The following SMOC1 variants were observed in gnomAD, a reference collection of about 807,000 sequenced individuals.
SMOC1 encodes the protein SPARC-related modular calcium-binding protein 1.
In SMOC1, 22 loss-of-function variants were observed where a neutral mutation model predicts 56.3. The observed-to-expected ratio is 0.39, with a 90% CI of 0.28 to 0.56. The LOEUF is 0.56. SMOC1 is among the 20% of genes least tolerant of loss of function. SMOC1 has a pLI of 0.61. For missense variants in SMOC1, 509 were observed against 565.4 expected, an observed-to-expected ratio of 0.90 and a Z score of 1.01; for synonymous variants, 193 against 215.0, an observed-to-expected ratio of 0.90 and a Z score of 0.89.
chr14:69,923,553 A>G (rs1169590360), intron 1 of SMOC1, among the ~76,000 whole-genome samples: 3 of 152,012 alleles, frequency 2.0e-5, no homozygotes, highest in Non-Finnish European at 4.4e-5. Flanking sequence ...GGACAACCCC[A>G]TGCCTTCATC....
At chr14:69,895,905 C>G (rs1317090900) in intron 1 of SMOC1, among the ~76,000 whole-genome samples, 3 of 141,484 alleles carry the variant, frequency 2.1e-5, no homozygotes, top group African/African-American at 7.7e-5. Flanking sequence ...TGTTCTGTCA[C>G]CTAGGCTAGA....
chr14:69,916,019 G>A (rs573676111), intron 1 of SMOC1, among the ~76,000 whole-genome samples: 9 of 152,260 alleles, frequency 5.9e-5, no homozygotes, highest in Middle Eastern at 6.8e-3. Context: ...TCTCTAGTCT[G>A]GATATAGCCA....
At chr14:69,950,453 C>A (rs181110063) in intron 1 of SMOC1, among the ~76,000 whole-genome samples, 1 of 152,356 alleles carries the variant, frequency 6.6e-6, no homozygotes, top group East Asian at 1.9e-4. Context: ...AAAGGGCCCA[C>A]AAATACATTA....
chr14:70,008,117 A>ATTATTTTATTTTATT (rs149782299), intron 7 of SMOC1, among the ~76,000 whole-genome samples: 6 of 151,116 alleles, frequency 4.0e-5, no homozygotes, highest in African/African-American at 1.5e-4. Flanking sequence ...TATCATTTTT[A>ATTATTTTATTTTATT]TTATTTTATT....
At chr14:70,007,749 G>A (rs1885196494) in intron 7 of SMOC1, among the ~76,000 whole-genome samples, 1 of 152,166 alleles carries the variant, frequency 6.6e-6, no homozygotes. Context: ...CAAAATGGGC[G>A]TAATAATAGT....
chr14:69,894,667 G>T (rs1480945860), intron 1 of SMOC1, among the ~76,000 whole-genome samples: 2 of 152,170 alleles, frequency 1.3e-5, no homozygotes, highest in South Asian at 2.1e-4. Context: ...GGTGAGAAGG[G>T]TGATGGACGT....
At chr14:69,986,735 C>A (rs2139527957) in intron 5 of SMOC1, among the ~76,000 whole-genome samples, 1 of 152,308 alleles carries the variant, frequency 6.6e-6, no homozygotes, top group East Asian at 1.9e-4. Flanking sequence ...TTTCCCCAGC[C>A]TTCTGTTTTT....
rs374247826 is a variant in SMOC1 at position 69,984,855 on chromosome 14, TCAAACAAACAAA to T, written c.526+6907_526+6918del. The stretch of plus-strand genomic sequence containing the variant: ...CTGGATGACAGAGCGAGACTCCATC[TCAAACAAACAAA>T]CAAACAAACAAACAAAAACAAAAAA... On this transcript the variant is annotated intron_variant, in intron 5 of 11. Coordinates refer to ENST00000361956, the MANE Select transcript of SMOC1 (RefSeq NM_001034852.3). Among the ~76,000 whole-genome samples, 19 of 146,840 alleles carry T rather than the reference TCAAACAAACAAA, an allele frequency of 1.3e-4. 1 individual carries two copies. Among genetic ancestry groups the T allele is most frequent in the African/African-American group, 4.6e-4 (18 of 39,390 alleles).
intron 5 of SMOC1, among the ~76,000 whole-genome samples, chr14:69,988,884 C>G (rs1256864798): frequency 6.6e-6 from 1 of 152,216 alleles, no homozygotes; most frequent in Admixed American, 6.5e-5. Flanking sequence ...ATTAGTAATT[C>G]ATTCCTTTTA....
chr14:69,959,721 G>T (rs1245781486), intron 3 of SMOC1, among the ~76,000 whole-genome samples: 1 of 151,940 alleles, frequency 6.6e-6, no homozygotes, highest in Non-Finnish European at 1.5e-5. Context: ...TATATGCATG[G>T]ATCTCTTGCA....
intron 5 of SMOC1, among the ~76,000 whole-genome samples, chr14:69,987,555 G>A (rs227437): frequency 0.19 from 28,932 of 152,164 alleles, 3,129 homozygotes; most frequent in East Asian, 0.38. Flanking sequence ...CCCCTTGAAA[G>A]GCCTGGCCCT....
intron 3 of SMOC1, among the ~76,000 whole-genome samples, chr14:69,974,180 C>G (rs888094185): frequency 1.7e-4 from 26 of 152,224 alleles, no homozygotes; most frequent in Admixed American, 8.5e-4. Context: ...AGGTCACGAT[C>G]TTGAGAGGGG....
chr14:70,012,615 A>G (rs1158166293), intron 9 of SMOC1, among the ~76,000 whole-genome samples: 2 of 152,272 alleles, frequency 1.3e-5, no homozygotes, highest in East Asian at 1.9e-4. Flanking sequence ...TTCTATGTGG[A>G]GTTGCTTTGG....
chr14:69,929,833 A>G (rs1047560923), intron 1 of SMOC1, among the ~76,000 whole-genome samples: 7 of 152,176 alleles, frequency 4.6e-5, no homozygotes, highest in African/African-American at 9.7e-5. Context: ...TTGGTCGGAC[A>G]GGGAAGGAGG....
At chr14:69,973,062 A>G (rs1883832116) in intron 3 of SMOC1, among the ~76,000 whole-genome samples, 1 of 152,198 alleles carries the variant, frequency 6.6e-6, no homozygotes, top group Admixed American at 6.5e-5. Context: ...ATTATTGACC[A>G]AGGAGGAGAG....
intron 7 of SMOC1, among the ~76,000 whole-genome samples, chr14:70,003,471 A>G (rs1167221572): frequency 6.6e-6 from 1 of 152,174 alleles, no homozygotes. Context: ...CCTACGGTTT[A>G]TTCAACAGTG....
intron 5 of SMOC1, among the ~76,000 whole-genome samples, chr14:69,990,000 A>G (rs990131271): frequency 1.8e-4 from 28 of 152,154 alleles, no homozygotes; most frequent in African/African-American, 5.6e-4. Flanking sequence ...CTTCATAAAG[A>G]TTTCCATTTA....
chr14:69,986,027 T>C (rs1217299304), intron 5 of SMOC1, among the ~76,000 whole-genome samples: 1 of 152,048 alleles, frequency 6.6e-6, no homozygotes, highest in East Asian at 1.9e-4. Context: ...GTGAGTAAGG[T>C]GGGATCCCCT....
At chr14:69,925,990 C>G (rs1052482393) in intron 1 of SMOC1, among the ~76,000 whole-genome samples, 3 of 152,104 alleles carry the variant, frequency 2.0e-5, no homozygotes, top group African/African-American at 7.2e-5. Context: ...ACTTACTCAG[C>G]TCCCCTCAGG....
Sources: gnomAD v4.1 joint callset for allele counts (sites outside exome capture counted in the v4.1 genomes callset) on GRCh38, gnomAD v4.1.1 for gene constraint, MANE v1.5 for transcripts, NCBI Gene and HGNC (gene_info 2026-07-23, HGNC 2026-07-21) for gene names.